Variants in ECT2 observed in about 807,000 individuals in gnomAD.
ECT2 encodes protein ECT2.
In ECT2, 61 loss-of-function variants were observed where a neutral mutation model predicts 116.9. That is an observed-to-expected ratio of 0.52 (90% confidence interval 0.42 to 0.65). The LOEUF is 0.65. Among genes scored for constraint, ECT2 ranks in the 30% least tolerant of loss-of-function variants. The pLI is 0.00. For synonymous variants in ECT2, 358 were observed against 346.4 expected, an observed-to-expected ratio of 1.03 and a Z score of -0.37; for missense variants, 937 against 1,078.7, an observed-to-expected ratio of 0.87 and a Z score of 1.84.
chr3:172,759,858 A>G (rs1474381277), intron 6 of ECT2, among the ~76,000 whole-genome samples: 2 of 152,196 alleles, frequency 1.3e-5, no homozygotes, highest in Middle Eastern at 3.2e-3. Flanking sequence ...AAAAAAACCA[A>G]TATATTTACA....
chr3:172,784,636 C>T (rs540534117), intron 16 of ECT2, 71 bp from the exon 17 acceptor site: 90 of 1,068,178 alleles, frequency 8.4e-5, no homozygotes, highest in Admixed American at 3.4e-4. Flanking sequence ...ATAAGGTGTA[C>T]TCCAGTAAAA....
rs76668310 is a variant in ECT2 at position 172,777,590 on chromosome 3, A to G, written c.1548+3568A>G. Among the ~76,000 whole-genome samples, 7 of 152,226 alleles carry G rather than the reference A, an allele frequency of 4.6e-5. No individual in the cohort carries two copies. In the East Asian group the frequency reaches 1.4e-3, roughly 29 times the overall value. ...TCTTTTTCAAGATTAAACATCATTA[A>G]TCCTTGATGTACAATTTTCTGCTCT... On this transcript the variant is annotated intron_variant, in intron 14 of 24. Transcript: ENST00000392692.
intron 14 of ECT2, among the ~76,000 whole-genome samples, chr3:172,774,997 C>A (rs961781320): frequency 1.1e-4 from 16 of 152,142 alleles, no homozygotes; most frequent in Admixed American, 1.0e-3. Flanking sequence ...ACTTAGAGTT[C>A]ATTTAAGTCC....
Position 172,773,989 on chromosome 3 carries a change from C to T in ECT2, c.1515C>T (p.Ile505=). ...AGATTAAGACTATTTTTGGTAGCATCCCAGATATCTTTGATGTACACACTA... is the reference window on the plus strand; with the variant it reads ...AGATTAAGACTATTTTTGGTAGCATTCCAGATATCTTTGATGTACACACTA... ...PEEIKTIFGS[I]PDIFDVHTKI... is the part of the protein sequence containing the mutation. The change falls in exon 14 of 25, where the codon ATC becomes ATT. Residue 505 remains isoleucine (I), a synonymous_variant. Coordinates refer to ENST00000392692, the MANE Select transcript of ECT2 (RefSeq NM_001258315.2). 4 of 1,612,864 alleles carry T rather than the reference C, an allele frequency of 2.5e-6. No individual in the cohort carries two copies. Among genetic ancestry groups the T allele is most frequent in the Non-Finnish European group, 3.4e-6 (4 of 1,178,950 alleles).
intron 18 of ECT2, among the ~76,000 whole-genome samples, chr3:172,797,018 CTGTGTG>C (rs57188529): frequency 1.4e-4 from 19 of 139,126 alleles, no homozygotes; most frequent in East Asian, 6.5e-4. Context: ...TCAGGTTCAA[CTGTGTG>C]TGTGTGTGTG....
intron 14 of ECT2, among the ~76,000 whole-genome samples, chr3:172,779,524 A>C (rs1363039441): frequency 6.6e-6 from 1 of 152,210 alleles, no homozygotes; most frequent in East Asian, 1.9e-4. Flanking sequence ...GCTGTATTCA[A>C]AATTTTAAAA....
rs748252196 is a variant in ECT2 at position 172,757,104 on chromosome 3, A to T, written c.425A>T (p.Tyr142Phe). ...DFQDSVFNDLYKADCRVIGPP... is the reference protein window; with the variant it reads ...DFQDSVFNDLFKADCRVIGPP... ...CAGGATTCTGTCTTTAATGACCTCT[A>T]CAAGGCTGATTGTAGAGTTATTGGA... is the stretch of plus-strand genomic sequence containing the variant. The change falls in exon 5 of 25, where the codon TAC becomes TTC. Residue 142 changes from tyrosine to phenylalanine, a missense_variant. By Grantham distance (22) the Tyr-to-Phe change is conservative (BLOSUM62 3). Coordinates refer to ENST00000392692, the MANE Select transcript of ECT2 (RefSeq NM_001258315.2). 6.3e-7 allele frequency: 1 copy of T among 1,597,264 alleles called. No individual in the cohort carries two copies. Among genetic ancestry groups the T allele is most frequent in the Non-Finnish European group, 8.5e-7 (1 of 1,174,176 alleles).
chr3:172,812,896 A>G (rs983520246), intron 22 of ECT2, among the ~76,000 whole-genome samples: 5 of 152,166 alleles, frequency 3.3e-5, no homozygotes, highest in Non-Finnish European at 7.4e-5. Context: ...GTAAGGATAC[A>G]ACTGAGCTTA....
At chr3:172,771,977 C>T (rs183713308) in intron 13 of ECT2, among the ~76,000 whole-genome samples, 1 of 151,988 alleles carries the variant, frequency 6.6e-6, no homozygotes, top group Non-Finnish European at 1.5e-5. Context: ...TGGGTTGTTT[C>T]CTTCTGAGTT....
chr3:172,787,753 A>G (rs1723864419), intron 18 of ECT2, among the ~76,000 whole-genome samples: 1 of 152,122 alleles, frequency 6.6e-6, no homozygotes, highest in South Asian at 2.1e-4. Flanking sequence ...TTGTTTTCAT[A>G]TTTTTATAAA....
intron 20 of ECT2, 117 bp downstream of exon 20, chr3:172,803,097 CTT>C: frequency 2.1e-6 from 2 of 967,702 alleles, no homozygotes; most frequent in Non-Finnish European, 1.4e-6. Flanking sequence ...CTCAAGTAAT[CTT>C]TTTTTAAAAA....
At chr3:172,809,501 T>G (rs1272562483) in intron 22 of ECT2, among the ~76,000 whole-genome samples, 3 of 152,064 alleles carry the variant, frequency 2.0e-5, no homozygotes, top group African/African-American at 7.2e-5. Flanking sequence ...CGTTTAAAGT[T>G]CTACATATAG....
At position 172,820,308 on chromosome 3, in the gene ECT2, G is replaced by C. The variant is rs111588249; in HGVS notation, c.*71G>C. 1.4e-5 allele frequency: 15 copies of C among 1,095,014 alleles called. No individual in the cohort carries two copies. Among genetic ancestry groups the C allele is most frequent in the Non-Finnish European group, 1.9e-5 (15 of 777,514 alleles). The allele number at this position is 1,095,014 out of a possible 1,614,324, so 67.8% of individuals were successfully genotyped here. A position where few individuals can be genotyped will look rare whatever the true frequency, so the allele number is the denominator to read the frequency against. On this transcript the variant is annotated 3_prime_UTR_variant, in exon 25 of 25. Coordinates refer to ENST00000392692, the MANE Select transcript of ECT2 (RefSeq NM_001258315.2). ...ACTCAAATAAGAAACTGACTTAAAT[G>C]GTACTTGTAATTAGCACTTGGTGAA...
rs74687572 is a variant in ECT2 at position 172,818,250 on chromosome 3, A to C, written c.2655+1413A>C. 2.6e-3 allele frequency: 408 copies of C among 157,102 alleles called. 1 individual carries two copies. Among genetic ancestry groups the C allele is most frequent in the African/African-American group, 9.3e-3 (387 of 41,574 alleles). The allele number at this position is 157,102 out of a possible 1,614,324, so 9.7% of individuals were successfully genotyped here. A position where few individuals can be genotyped will look rare whatever the true frequency, so the allele number is the denominator to read the frequency against. On this transcript the variant is annotated intron_variant, in intron 24 of 24. Coordinates refer to ENST00000392692, the MANE Select transcript of ECT2 (RefSeq NM_001258315.2). ...CATTAATCTTAACCAATGGGAGAGA[A>C]GCTGCATTTAGTTGATAAAATGAAT...
At chr3:172,752,216 G>C (rs1462442944) in intron 1 of ECT2, 2 of 151,176 alleles carry the variant, frequency 1.3e-5, no homozygotes, top group Non-Finnish European at 2.9e-5. Context: ...TGCAACCTCT[G>C]CCTCCCGGGT....
intron 16 of ECT2, 42 bp downstream of exon 16, chr3:172,783,951 CTGAAGT>C (rs772331885): frequency 7.5e-7 from 1 of 1,334,124 alleles, no homozygotes; most frequent in South Asian, 1.3e-5. Context: ...AGAATTATTT[CTGAAGT>C]AATTCACCAC....
chr3:172,769,389 T>G (rs1296187586), intron 13 of ECT2, among the ~76,000 whole-genome samples: 1 of 152,154 alleles, frequency 6.6e-6, no homozygotes, highest in Non-Finnish European at 1.5e-5. Flanking sequence ...CAGTAGATGA[T>G]CTCAGGAGTA....
intron 12 of ECT2, among the ~76,000 whole-genome samples, chr3:172,764,797 A>G (rs1719009584): frequency 6.6e-6 from 1 of 152,234 alleles, no homozygotes; most frequent in African/African-American, 2.4e-5. Flanking sequence ...CCAGGGTCAT[A>G]TAACTAGAGA....
chr3:172,795,068 ATTTC>A (rs1267071169), intron 18 of ECT2, among the ~76,000 whole-genome samples: 3 of 152,042 alleles, frequency 2.0e-5, no homozygotes, highest in Non-Finnish European at 4.4e-5. Flanking sequence ...TTTACTTTTA[ATTTC>A]TTTCAACTAT....
Sources: allele counts gnomAD v4.1 joint callset (sites outside exome capture counted in the v4.1 genomes callset), GRCh38; gene constraint gnomAD v4.1.1; transcripts MANE v1.5; gene names NCBI Gene and HGNC (gene_info 2026-07-23, HGNC 2026-07-21).